The following AGMO variants were observed in gnomAD, a reference collection of about 807,000 sequenced individuals.
The protein encoded by AGMO is alkylglycerol monooxygenase.
A neutral mutation model predicts 60.2 loss-of-function variants in AGMO; 75 were observed. The observed-to-expected ratio is 1.25, with a 90% CI of 1.03 to 1.51. The LOEUF is 1.51. Among genes scored for constraint, AGMO ranks in the 40% most tolerant of loss-of-function variants. The probability of loss-of-function intolerance (pLI) is 0.00; values close to 1 mark genes in which losing one functional copy is unlikely to be tolerated. For synonymous variants in AGMO, 261 were observed against 177.1 expected (o/e 1.47, Z -3.76); for missense variants, 763 against 525.5 (o/e 1.45, Z -4.42).
At chr7:15,327,120 T>G (rs1421034466) in intron 12 of AGMO, among the ~76,000 whole-genome samples, 5 of 152,310 alleles carry the variant, frequency 3.3e-5, no homozygotes, top group African/African-American at 1.2e-4. Flanking sequence ...CCCTCTGAGC[T>G]TAAGAGTAGG....
intron 12 of AGMO, among the ~76,000 whole-genome samples, chr7:15,340,676 G>A (rs1055329419): frequency 1.3e-5 from 2 of 152,196 alleles, no homozygotes; most frequent in African/African-American, 4.8e-5. Flanking sequence ...GTGTGCAGAA[G>A]ACAAGAATTG....
At position 15,201,047 on chromosome 7, in the gene AGMO, T is replaced by C. The variant is rs1781263650; in HGVS notation, c.*238A>G. 1 of 339,896 alleles carries C rather than the reference T, an allele frequency of 2.9e-6. No homozygotes were observed. The highest frequency in any genetic ancestry group is 2.1e-5 in the African/African-American group (1 of 47,072). The allele number at this position is 339,896 out of a possible 1,614,324, so 21.1% of individuals were successfully genotyped here. A position where few individuals can be genotyped will look rare whatever the true frequency, so the allele number is the denominator to read the frequency against. Reference sequence around the variant, plus strand: ...TATAAGGCTATCAGTTAATATAACATCATTATATTTGAAATCTTTTTTTAA... The same window carrying C: ...TATAAGGCTATCAGTTAATATAACACCATTATATTTGAAATCTTTTTTTAA... On this transcript the variant is annotated 3_prime_UTR_variant, in exon 13 of 13. Transcript: ENST00000342526.
At chr7:15,446,933 A>AGCCAATATCCAGAAGGGAAGTTCTTTAAT (rs1272118526) in intron 3 of AGMO, among the ~76,000 whole-genome samples, 5 of 152,314 alleles carry the variant, frequency 3.3e-5, no homozygotes, top group Non-Finnish European at 7.3e-5. Flanking sequence ...CTACTTTGTC[A>AGCCAATATCCAGAAGGGAAGTTCTTTAAT]GCCAATATCC....
At chr7:15,402,301 T>TC (rs1253276382) in intron 5 of AGMO, among the ~76,000 whole-genome samples, 1 of 151,650 alleles carries the variant, frequency 6.6e-6, no homozygotes, top group African/African-American at 2.4e-5. Context: ...TTTATTTTTT[T>TC]CTCTTTCTTT....
At chr7:15,334,908 A>G (rs182567540) in intron 12 of AGMO, among the ~76,000 whole-genome samples, 177 of 152,282 alleles carry the variant, frequency 1.2e-3, no homozygotes, top group Non-Finnish European at 2.2e-3. Flanking sequence ...CTCATGAACA[A>G]TAAGAGCTGT....
chr7:15,252,532 C>G (rs771341502), intron 12 of AGMO, among the ~76,000 whole-genome samples: 9 of 152,180 alleles, frequency 5.9e-5, no homozygotes, highest in Non-Finnish European at 1.2e-4. Flanking sequence ...AAACTCCAGC[C>G]AAGCAACAGA....
At chr7:15,405,315 T>G (rs555201957) in intron 5 of AGMO, among the ~76,000 whole-genome samples, 1 of 152,000 alleles carries the variant, frequency 6.6e-6, no homozygotes, top group African/African-American at 2.4e-5. Flanking sequence ...TTTTATACAC[T>G]GGGAAAACAA....
intron 12 of AGMO, among the ~76,000 whole-genome samples, chr7:15,213,435 C>T (rs1400505583): frequency 1.3e-5 from 2 of 151,614 alleles, no homozygotes; most frequent in African/African-American, 4.8e-5. Flanking sequence ...AAATGACCAA[C>T]ACAATATTAA....
intron 12 of AGMO, among the ~76,000 whole-genome samples, chr7:15,321,145 T>G (rs923263860): frequency 1.3e-5 from 2 of 152,150 alleles, no homozygotes; most frequent in African/African-American, 4.8e-5. Context: ...TTAACTGAAT[T>G]GGCCATAAAC....
At chr7:15,233,550 G>GTTT (rs113478897) in intron 12 of AGMO, among the ~76,000 whole-genome samples, 25 of 148,576 alleles carry the variant, frequency 1.7e-4, no homozygotes, top group African/African-American at 6.2e-4. Flanking sequence ...ACAGAGAGTT[G>GTTT]TTTTTTTTTT....
chr7:15,299,258 G>T (rs972299110), intron 12 of AGMO, among the ~76,000 whole-genome samples: 3 of 151,838 alleles, frequency 2.0e-5, no homozygotes, highest in Admixed American at 1.3e-4. Flanking sequence ...TAATATAAAG[G>T]TTATTGCTTC....
At chr7:15,333,628 A>G (rs965644803) in intron 12 of AGMO, among the ~76,000 whole-genome samples, 1 of 151,628 alleles carries the variant, frequency 6.6e-6, no homozygotes, top group African/African-American at 2.4e-5. Context: ...AGAAAGAAAA[A>G]AAATAAAAAG....
At chr7:15,499,928 CACACAT>C (rs919769797) in intron 3 of AGMO, among the ~76,000 whole-genome samples, 1 of 108,050 alleles carries the variant, frequency 9.3e-6, no homozygotes, top group African/African-American at 2.8e-5. Context: ...CACACACACA[CACACAT>C]ATATATATAT....
At chr7:15,291,425 C>T (rs1332527896) in intron 12 of AGMO, among the ~76,000 whole-genome samples, 5 of 151,968 alleles carry the variant, frequency 3.3e-5, no homozygotes, top group Admixed American at 3.3e-4. Flanking sequence ...CTAACTTTGC[C>T]GGTATAGTGT....
At chr7:15,524,100 C>T (rs1308623481) in intron 3 of AGMO, among the ~76,000 whole-genome samples, 2 of 151,620 alleles carry the variant, frequency 1.3e-5, no homozygotes, top group East Asian at 3.9e-4. Context: ...TTAATATATA[C>T]TATTATTATA....
rs74503647 is a variant in AGMO at position 15,302,765 on chromosome 7, C to T, written c.1263+62749G>A. On this transcript the variant is annotated intron_variant, in intron 12 of 12. Coordinates refer to ENST00000342526, the MANE Select transcript of AGMO (RefSeq NM_001004320.2). Reference sequence around the variant, plus strand: ...ATTGCTGTACCTCCATCATATGGTACGGTTGCTGGAATACAGTATGTGTTC... The same window carrying T: ...ATTGCTGTACCTCCATCATATGGTATGGTTGCTGGAATACAGTATGTGTTC... 7.3e-3 allele frequency among the ~76,000 whole-genome samples: 1,114 copies of T among 152,064 alleles called. 17 individuals carry two copies. Among genetic ancestry groups the T allele is most frequent in the African/African-American group, 0.026 (1,066 of 41,490 alleles).
chr7:15,483,602 A>C (rs573910486), intron 3 of AGMO, among the ~76,000 whole-genome samples: 10 of 151,554 alleles, frequency 6.6e-5, no homozygotes, highest in South Asian at 2.1e-4. Context: ...AACAAACAAA[A>C]AACCATAAAA....
chr7:15,281,517 T>C (rs1357081626), intron 12 of AGMO, among the ~76,000 whole-genome samples: 2 of 152,028 alleles, frequency 1.3e-5, no homozygotes, highest in Non-Finnish European at 1.5e-5. Context: ...AGCCAGAACA[T>C]TGGGTCAGGA....
chr7:15,370,059 C>T (rs1362832906), intron 10 of AGMO, among the ~76,000 whole-genome samples: 1 of 152,142 alleles, frequency 6.6e-6, no homozygotes, highest in Admixed American at 6.6e-5. Flanking sequence ...TTTTGCCCCC[C>T]TCCTTTATTC....
Sources: allele counts gnomAD v4.1 joint callset (sites outside exome capture counted in the v4.1 genomes callset), GRCh38; gene constraint gnomAD v4.1.1; transcripts MANE v1.5; gene names NCBI Gene and HGNC (gene_info 2026-07-23, HGNC 2026-07-21).